PDS5B: variants seen among roughly 807,000 people sequenced by gnomAD.
PDS5B encodes PDS5 cohesin associated factor B.
Under a neutral mutation model 184.1 loss-of-function variants are expected in PDS5B, and 51 were observed. The ratio of observed to expected loss-of-function variants is 0.28; its 90% CI spans 0.22 to 0.35. PDS5B has a LOEUF of 0.35. PDS5B is among the 10% of genes least tolerant of loss of function. PDS5B has a pLI of 1.00. For synonymous variants in PDS5B, 566 were observed against 569.2 expected (o/e 0.99, Z 0.08); for missense variants, 1,180 against 1,723.3 (o/e 0.68, Z 5.58).
intron 1 of PDS5B, among the ~76,000 whole-genome samples, chr13:32,606,427 G>A (rs948492335): frequency 6.6e-5 from 10 of 152,220 alleles, no homozygotes; most frequent in Admixed American, 3.3e-4. Context: ...AGTTTCTGCC[G>A]AGAGGTCTGC....
chr13:32,686,937 A>G (rs1951411286), intron 11 of PDS5B, among the ~76,000 whole-genome samples, 197 bp from the exon 12 acceptor site: 1 of 152,090 alleles, frequency 6.6e-6, no homozygotes, highest in African/African-American at 2.4e-5. Flanking sequence ...TTTCTCCCAT[A>G]CTTTACATGG....
In PDS5B at chr13:32,657,736, A is replaced by G. The variant is rs555863544; in HGVS notation, c.313-503A>G. Among the ~76,000 whole-genome samples, 3 of 152,304 alleles carry G rather than the reference A, an allele frequency of 2.0e-5. No individual in the cohort carries two copies. In the East Asian group the frequency reaches 5.8e-4, roughly 29 times the overall value. ...TTTAGAAAGATGGGGAAAAGCAGGT[A>G]ATTACAATGATTGGTAGGAAGCTTG... is the stretch of plus-strand genomic sequence containing the variant. On this transcript the variant is annotated intron_variant, in intron 3 of 34. Transcript: ENST00000315596.
At chr13:32,771,331 A>G (rs1954777710) in intron 33 of PDS5B, among the ~76,000 whole-genome samples, 2 of 152,104 alleles carry the variant, frequency 1.3e-5, no homozygotes, top group South Asian at 4.1e-4. Flanking sequence ...GTTCACACAA[A>G]CACATTTATA....
intron 21 of PDS5B, among the ~76,000 whole-genome samples, chr13:32,739,907 G>C (rs1486256840): frequency 6.6e-6 from 1 of 151,798 alleles, no homozygotes; most frequent in Non-Finnish European, 1.5e-5. Flanking sequence ...ATCTTTTGTG[G>C]CTTTATTATT....
Position 32,648,755 on chromosome 13 carries a change from G to T in PDS5B, c.-18G>T. ...CATCTAATAGTTTTCTTGTTTCAGG[G>T]GTAGAAATATTTCTGTCATGGCTCA... On this transcript the variant is annotated splice_region_variant and 5_prime_UTR_variant, in exon 2 of 35. Transcript: ENST00000315596. 9.1e-7 allele frequency: 1 copy of T among 1,094,912 alleles called. No homozygotes were observed. Among genetic ancestry groups the T allele is most frequent in the Non-Finnish European group, 1.4e-6 (1 of 709,832 alleles). The allele number at this position is 1,094,912 out of a possible 1,614,324, so 67.8% of individuals were successfully genotyped here. A position where few individuals can be genotyped will look rare whatever the true frequency, so the allele number is the denominator to read the frequency against.
At chr13:32,622,405 G>T (rs1396134752) in intron 1 of PDS5B, among the ~76,000 whole-genome samples, 1 of 152,034 alleles carries the variant, frequency 6.6e-6, no homozygotes, top group Non-Finnish European at 1.5e-5. Flanking sequence ...GGAATATGTG[G>T]TGGGTGAGAT....
chr13:32,703,617 A>T (rs756434566), intron 17 of PDS5B, among the ~76,000 whole-genome samples: 1 of 152,190 alleles, frequency 6.6e-6, no homozygotes, highest in Non-Finnish European at 1.5e-5. Context: ...GAGTGTGGAA[A>T]ACAGCATTTA....
At position 32,767,140 on chromosome 13, in the gene PDS5B, A is replaced by T. The variant is rs1954610971; in HGVS notation, c.3624+2546A>T. On this transcript the variant is annotated intron_variant, in intron 31 of 34. Coordinates refer to ENST00000315596, the MANE Select transcript of PDS5B (RefSeq NM_015032.4). ...TATGATAGTATATTAAATAAACCAA[A>T]GGGAAAACCAAAAACAAAATAATTT... is the stretch of plus-strand genomic sequence containing the variant. Among the ~76,000 whole-genome samples, 4 of 152,278 alleles carry T rather than the reference A, an allele frequency of 2.6e-5. 1 individual carries two copies. The South Asian group carries it at 8.3e-4, about 32-fold the overall frequency.
At chr13:32,742,839 G>A (rs1002813042) in intron 23 of PDS5B, 112 bp downstream of exon 23, 2 of 941,206 alleles carry the variant, frequency 2.1e-6, no homozygotes, top group Non-Finnish European at 3.2e-6. Flanking sequence ...GAATTGCTTT[G>A]TACATGTGCA....
chr13:32,628,310 A>T (rs1298806484), intron 1 of PDS5B, among the ~76,000 whole-genome samples: 1 of 152,078 alleles, frequency 6.6e-6, no homozygotes, highest in Non-Finnish European at 1.5e-5. Context: ...TAATCTTAGC[A>T]CTTTGGGAGG....
At chr13:32,640,002 A>C (rs187177700) in intron 1 of PDS5B, among the ~76,000 whole-genome samples, 1 of 152,134 alleles carries the variant, frequency 6.6e-6, no homozygotes, top group African/African-American at 2.4e-5. Context: ...TATTGTTATG[A>C]TTGCTCTTGC....
At chr13:32,601,376 A>G (rs186834172) in intron 1 of PDS5B, among the ~76,000 whole-genome samples, 2 of 152,372 alleles carry the variant, frequency 1.3e-5, no homozygotes, top group African/African-American at 4.8e-5. Context: ...GTTTTAGAAT[A>G]AGATAGAAAC....
At chr13:32,651,206 T>C (rs769374143) in intron 2 of PDS5B, among the ~76,000 whole-genome samples, 12 of 152,254 alleles carry the variant, frequency 7.9e-5, no homozygotes, top group Non-Finnish European at 1.6e-4. Flanking sequence ...ATTAATGAAT[T>C]ATCCACATCA....
At chr13:32,594,688 A>G (rs2057830892) in intron 1 of PDS5B, among the ~76,000 whole-genome samples, 1 of 152,184 alleles carries the variant, frequency 6.6e-6, no homozygotes, top group South Asian at 2.1e-4. Context: ...TTGAAGTCTT[A>G]AACTATTTGT....
chr13:32,692,329 C>A (rs954079690), intron 13 of PDS5B, among the ~76,000 whole-genome samples: 1 of 148,546 alleles, frequency 6.7e-6, no homozygotes, highest in Non-Finnish European at 1.5e-5. Context: ...TTCCCCAGAA[C>A]TCCTATTAGC....
intron 22 of PDS5B, among the ~76,000 whole-genome samples, chr13:32,741,865 T>TTAG (rs1215934447): frequency 6.6e-6 from 1 of 152,100 alleles, no homozygotes; most frequent in Non-Finnish European, 1.5e-5. Context: ...GCTTGATACT[T>TTAG]TGAGTCTCAG....
Position 32,755,415 on chromosome 13 carries a change from A to G in PDS5B, c.2942-427A>G, listed in dbSNP as rs1954138789. 3.3e-5 allele frequency among the ~76,000 whole-genome samples: 5 copies of G among 152,266 alleles called. No homozygotes were observed. The South Asian group carries it at 1.0e-3, about 32-fold the overall frequency. On this transcript the variant is annotated intron_variant, in intron 25 of 34. Transcript: ENST00000315596. ...TGTTGTTCCATATTGACTCTGAAAA[A>G]TACTAGATGTTACTTATTTTGCTCA...
At position 32,637,954 on chromosome 13, in the gene PDS5B, T is replaced by C. The variant is rs572215511; in HGVS notation, c.-19-10800T>C. Among the ~76,000 whole-genome samples, 21 of 152,296 alleles carry C rather than the reference T, an allele frequency of 1.4e-4. No individual in the cohort carries two copies. In the East Asian group the frequency reaches 3.5e-3, roughly 25 times the overall value. On this transcript the variant is annotated intron_variant, in intron 1 of 34. Coordinates refer to ENST00000315596, the MANE Select transcript of PDS5B (RefSeq NM_015032.4). Reference sequence around the variant, plus strand: ...CAATTGTGTATATTGGCAATTTGGGTTTGGCTTATCTGGGTGGTTCTACTG... The same window carrying C: ...CAATTGTGTATATTGGCAATTTGGGCTTGGCTTATCTGGGTGGTTCTACTG...
At chr13:32,595,511 C>T (rs1054986923) in intron 1 of PDS5B, among the ~76,000 whole-genome samples, 1 of 152,076 alleles carries the variant, frequency 6.6e-6, no homozygotes, top group African/African-American at 2.4e-5. Flanking sequence ...GAAGGAACCA[C>T]ATACTTAAAC....
Sources: allele counts gnomAD v4.1 joint callset (sites outside exome capture counted in the v4.1 genomes callset), GRCh38; gene constraint gnomAD v4.1.1; transcripts MANE v1.5; gene names NCBI Gene and HGNC (gene_info 2026-07-23, HGNC 2026-07-21).